Variants in RIMS2 observed in about 807,000 individuals in gnomAD.
RIMS2 encodes regulating synaptic membrane exocytosis protein 2.
RIMS2 carries 59 observed loss-of-function variants against 174.4 expected under a neutral mutation model. The observed-to-expected ratio is 0.34, with a 90% confidence interval of 0.27 to 0.42. The LOEUF (loss-of-function observed/expected upper bound fraction) is 0.42, where lower values mean the gene tolerates loss of function less well. Among genes scored for constraint, RIMS2 ranks in the 10% least tolerant of loss-of-function variants. The pLI, the probability that RIMS2 is intolerant of heterozygous loss-of-function variation, is 1.00. For synonymous variants in RIMS2, 606 were observed against 572.5 expected (o/e 1.06, Z -0.84); for missense variants, 1,620 against 1,666.3 (o/e 0.97, Z 0.48).
chr8:103,747,158 T>C (rs996005441), intron 2 of RIMS2, among the ~76,000 whole-genome samples: 2 of 151,696 alleles, frequency 1.3e-5, no homozygotes, highest in East Asian at 3.9e-4. Flanking sequence ...TAGTTACATA[T>C]GTATACATGT....
chr8:103,924,929 AGTTCGG>A (rs1238828947), intron 10 of RIMS2, among the ~76,000 whole-genome samples: 1 of 151,600 alleles, frequency 6.6e-6, no homozygotes, highest in Non-Finnish European at 1.5e-5. Flanking sequence ...AATCAGCATG[AGTTCGG>A]GTTTATGCCA....
chr8:103,628,774 G>T lies in RIMS2; in HGVS notation c.177-68312G>T, dbSNP rs978994272. On this transcript the variant is annotated intron_variant, in intron 1 of 23. Coordinates refer to ENST00000504942, the Ensembl canonical transcript of RIMS2. The stretch of plus-strand genomic sequence containing the variant: ...CATATTAAAAAAAAAAAAAAAAAAG[G>T]TCCCAAGGAAAGCCTGCTGTCTCTA... Among the ~76,000 whole-genome samples, 33 of 118,696 alleles carry T rather than the reference G, an allele frequency of 2.8e-4. 1 individual carries two copies. The highest frequency in any genetic ancestry group is 5.5e-5 in the Non-Finnish European group (3 of 54,746). 77.9% of individuals were successfully genotyped at this position (118,696 alleles called of 152,430 possible).
At chr8:103,751,544 C>G (rs1333944118) in intron 2 of RIMS2, among the ~76,000 whole-genome samples, 1 of 151,644 alleles carries the variant, frequency 6.6e-6, no homozygotes, top group African/African-American at 2.4e-5. Context: ...AATGGTTGAA[C>G]TAGTTTACAG....
intron 2 of RIMS2, among the ~76,000 whole-genome samples, chr8:103,730,122 A>T (rs930420657): frequency 1.3e-5 from 2 of 152,148 alleles, no homozygotes; most frequent in Non-Finnish European, 2.9e-5. Context: ...TGCCAGGATG[A>T]TTTGTCCAGT....
chr8:103,949,299 T>A (rs183407530), intron 14 of RIMS2, among the ~76,000 whole-genome samples: 102 of 152,294 alleles, frequency 6.7e-4, no homozygotes, highest in African/African-American at 2.4e-3. Context: ...ATAGAAGGCT[T>A]GAAGGTTTTA....
chr8:104,044,776 T>A (rs559823392), intron 19 of RIMS2, among the ~76,000 whole-genome samples: 1 of 151,818 alleles, frequency 6.6e-6, no homozygotes, highest in African/African-American at 2.4e-5. Context: ...CCCCTAATAC[T>A]GTAAGGGAGA....
chr8:104,185,781 GGAATGTAAAT>G (rs2136137272), intron 19 of RIMS2, among the ~76,000 whole-genome samples: 1 of 151,724 alleles, frequency 6.6e-6, no homozygotes, highest in East Asian at 1.9e-4. Flanking sequence ...ACTGTTGATA[GGAATGTAAAT>G]TGGTAAAATC....
At chr8:104,131,600 A>T (rs542410703) in intron 19 of RIMS2, among the ~76,000 whole-genome samples, 17 of 152,288 alleles carry the variant, frequency 1.1e-4, no homozygotes, top group African/African-American at 3.8e-4. Flanking sequence ...CTTAGAAAAG[A>T]TGGTAAGTGG....
chr8:103,555,587 C>T (rs528643171), intron 1 of RIMS2, among the ~76,000 whole-genome samples: 9 of 151,968 alleles, frequency 5.9e-5, no homozygotes, highest in African/African-American at 1.7e-4. Flanking sequence ...TGGCATTATT[C>T]GCAATTCCCG....
At chr8:104,107,479 A>T (rs1431033687) in intron 19 of RIMS2, among the ~76,000 whole-genome samples, 1 of 152,106 alleles carries the variant, frequency 6.6e-6, no homozygotes, top group Non-Finnish European at 1.5e-5. Context: ...ACAATATTTC[A>T]TACATAGTAG....
chr8:104,042,736 A>C (rs2096629564), intron 19 of RIMS2, among the ~76,000 whole-genome samples: 1 of 151,706 alleles, frequency 6.6e-6, no homozygotes, highest in Admixed American at 6.6e-5. Context: ...TTTAAGCCTC[A>C]TTTGAAATAT....
chr8:103,667,207 C>T (rs1258809999), intron 1 of RIMS2, among the ~76,000 whole-genome samples: 1 of 152,198 alleles, frequency 6.6e-6, no homozygotes, highest in African/African-American at 2.4e-5. Flanking sequence ...ATGTATGTGT[C>T]ATGTGCAACA....
chr8:103,982,508 A>G (rs1213113574), intron 16 of RIMS2, among the ~76,000 whole-genome samples: 1 of 149,336 alleles, frequency 6.7e-6, no homozygotes, highest in Non-Finnish European at 1.5e-5. Context: ...AAAAAAAAAT[A>G]CTAGCAAACC....
intron 3 of RIMS2, among the ~76,000 whole-genome samples, chr8:103,861,125 C>G (rs564078096): frequency 6.8e-6 from 1 of 148,136 alleles, no homozygotes; most frequent in Non-Finnish European, 1.5e-5. Context: ...GCCTCACCCC[C>G]CTCCTAAGCC....
At chr8:104,229,798 A>G (rs1017256016) in intron 19 of RIMS2, among the ~76,000 whole-genome samples, 3 of 152,130 alleles carry the variant, frequency 2.0e-5, no homozygotes, top group African/African-American at 7.2e-5. Flanking sequence ...GATTTCACTT[A>G]CCCAGTTTGG....
chr8:103,711,844 C>A (rs2097307455), intron 2 of RIMS2, among the ~76,000 whole-genome samples: 1 of 151,872 alleles, frequency 6.6e-6, no homozygotes, highest in African/African-American at 2.4e-5. Context: ...ATGGAGTAAG[C>A]CAAGATCTGC....
intron 3 of RIMS2, among the ~76,000 whole-genome samples, chr8:103,799,514 G>A (rs10955327): frequency 0.16 from 23,928 of 152,102 alleles, 1,993 homozygotes; most frequent in Middle Eastern, 0.24. Context: ...CATAGGGTAT[G>A]TATACTTTAT....
At chr8:103,538,368 C>T (rs557135160) in intron 1 of RIMS2, among the ~76,000 whole-genome samples, 41 of 152,092 alleles carry the variant, frequency 2.7e-4, no homozygotes, top group African/African-American at 7.2e-4. Context: ...GGGATACAGG[C>T]GGTATTTGGT....
intron 11 of RIMS2, among the ~76,000 whole-genome samples, chr8:103,928,890 A>G (rs1039939227): frequency 4.0e-5 from 6 of 151,618 alleles, no homozygotes; most frequent in Non-Finnish European, 5.9e-5. Context: ...ATCAACAGCT[A>G]TATTTTAAAC....
Sources: gnomAD v4.1 joint callset for allele counts (sites outside exome capture counted in the v4.1 genomes callset) on GRCh38, gnomAD v4.1.1 for gene constraint, MANE v1.5 for transcripts, NCBI Gene and HGNC (gene_info 2026-07-23, HGNC 2026-07-21) for gene names.